Variants in HERC5 observed in about 807,000 individuals in gnomAD.
The protein encoded by HERC5 is E3 ISG15--protein ligase HERC5.
HERC5 carries 99 observed loss-of-function variants against 119.6 expected under a neutral mutation model. That is an observed-to-expected ratio of 0.83 (90% CI 0.70 to 0.98). The LOEUF is 0.98. Among genes scored for constraint, HERC5 ranks in the 50% least tolerant of loss-of-function variants. HERC5 has a pLI of 0.00. For synonymous variants in HERC5, 478 were observed against 445.9 expected (o/e 1.07, Z -0.91); for missense variants, 1,267 against 1,241.3 (o/e 1.02, Z -0.31).
intron 17 of HERC5, among the ~76,000 whole-genome samples, chr4:88,493,803 G>A (rs1284959771): frequency 2.0e-5 from 3 of 151,646 alleles, no homozygotes; most frequent in Admixed American, 6.6e-5. Flanking sequence ...TTGTAGAGAT[G>A]GGGTTTCACC....
At chr4:88,480,324 C>T (rs1331508730) in intron 13 of HERC5, among the ~76,000 whole-genome samples, 1 of 152,046 alleles carries the variant, frequency 6.6e-6, no homozygotes, top group Non-Finnish European at 1.5e-5. Flanking sequence ...CAGATTAATG[C>T]TTATGGCTGT....
chr4:88,457,588 G>A, intron 1 of HERC5, 54 bp downstream of exon 1: 1 of 1,231,522 alleles, frequency 8.1e-7, no homozygotes, highest in Non-Finnish European at 1.0e-6. Context: ...TGAGGGCTGA[G>A]GGCTGTGAGG....
intron 17 of HERC5, among the ~76,000 whole-genome samples, chr4:88,493,524 C>A (rs1741708987): frequency 6.6e-6 from 1 of 152,084 alleles, no homozygotes; most frequent in Non-Finnish European, 1.5e-5. Flanking sequence ...ATTACTGAAC[C>A]TAATGTATTT....
Position 88,462,315 on chromosome 4 carries a change from G to A in HERC5, c.647G>A (p.Gly216Glu). The A allele has an allele frequency of 6.2e-7, 1 of 1,614,180 alleles. No individual in the cohort carries two copies. Among genetic ancestry groups the A allele is most frequent in the Non-Finnish European group, 8.5e-7 (1 of 1,180,032 alleles). The change falls in exon 4 of 23, where the codon GGA (glycine) becomes GAA (glutamate). Residue 216 changes from glycine (G) to glutamate (E), a missense_variant. Around this residue, in one of 3 missense-constraint regions of HERC5, gnomAD observed 777 missense variants for 758.0 expected, o/e 1.03. Coordinates refer to ENST00000264350, the MANE Select transcript of HERC5 (RefSeq NM_016323.4). ...LSMSGNIYSW[G>E]KNECGQLGLG... The stretch of plus-strand genomic sequence containing the variant: ...ATGTCTGGCAACATTTATTCATGGG[G>A]AAAAAATGAATGTGGACAACTAGGC...
At chr4:88,497,693 G>T (rs1401831974) in intron 18 of HERC5, among the ~76,000 whole-genome samples, 2 of 152,204 alleles carry the variant, frequency 1.3e-5, no homozygotes, top group African/African-American at 4.8e-5. Flanking sequence ...TTCTCAGGCT[G>T]GCCATGTTGT....
intron 2 of HERC5, among the ~76,000 whole-genome samples, chr4:88,459,880 G>A (rs763030555): frequency 6.6e-6 from 1 of 151,924 alleles, no homozygotes; most frequent in Admixed American, 6.6e-5. Flanking sequence ...TCCTAAAATT[G>A]TTTGCATAAT....
intron 6 of HERC5, among the ~76,000 whole-genome samples, chr4:88,464,374 C>G (rs1233216331): frequency 6.6e-6 from 1 of 152,084 alleles, no homozygotes; most frequent in Non-Finnish European, 1.5e-5. Flanking sequence ...TTGTGGCCAA[C>G]ATACTTTTTA....
In HERC5 at chr4:88,470,680, T is replaced by A; in HGVS notation, c.1298+7T>A. 2.4e-6 allele frequency: 3 copies of A among 1,240,270 alleles called. No homozygotes were observed. The highest frequency in any genetic ancestry group is 3.5e-6 in the Non-Finnish European group (3 of 850,884). The allele number at this position is 1,240,270 out of a possible 1,614,324, so 76.8% of individuals were successfully genotyped here. The stretch of plus-strand genomic sequence containing the variant: ...GAAGTTTTTTAAGGAAAAGGTAATA[T>A]ATGTAATAAATTAATTGTATTAAAT... On this transcript the variant is annotated splice_region_variant and intron_variant, in intron 10 of 22. Coordinates refer to ENST00000264350, the MANE Select transcript of HERC5 (RefSeq NM_016323.4).
intron 16 of HERC5, among the ~76,000 whole-genome samples, chr4:88,489,543 G>A (rs904953282): frequency 3.3e-5 from 5 of 152,112 alleles, no homozygotes; most frequent in African/African-American, 1.2e-4. Context: ...GGAGCAGCAG[G>A]CAAAGTGGTT....
intron 20 of HERC5, among the ~76,000 whole-genome samples, chr4:88,502,990 C>A (rs1741991396): frequency 6.6e-6 from 1 of 151,738 alleles, no homozygotes; most frequent in Non-Finnish European, 1.5e-5. Flanking sequence ...TTTTGATTAA[C>A]CAAAATTTGT....
intron 11 of HERC5, among the ~76,000 whole-genome samples, chr4:88,475,595 G>A (rs1741035110): frequency 6.6e-6 from 1 of 152,090 alleles, no homozygotes; most frequent in African/African-American, 2.4e-5. Context: ...GGTTAGGTGT[G>A]CTTGATCTCC....
In HERC5 at chr4:88,495,892, A is replaced by G. The variant is rs148556308; in HGVS notation, c.2444+1561A>G. Among the ~76,000 whole-genome samples, 849 of 152,344 alleles carry G rather than the reference A, an allele frequency of 5.6e-3. 4 individuals carry two copies. The highest frequency in any genetic ancestry group is 0.01 in the Middle Eastern group (3 of 294). ...ATTAACAATGTACATGAACTAAAAG[A>G]TCTTTAAATTTGTATCATTGTTTCT... is the stretch of plus-strand genomic sequence containing the variant. On this transcript the variant is annotated intron_variant, in intron 18 of 22. Transcript: ENST00000264350.
chr4:88,504,145 T>A (rs1255682403), intron 20 of HERC5, 87 bp from the exon 21 acceptor site: 3 of 774,864 alleles, frequency 3.9e-6, no homozygotes, highest in African/African-American at 3.5e-5. Context: ...TCAATAACTG[T>A]TAGGTATTCT....
At chr4:88,469,101 G>A in intron 8 of HERC5, 56 bp from the exon 9 acceptor site, 1 of 1,140,640 alleles carries the variant, frequency 8.8e-7, no homozygotes, top group Non-Finnish European at 1.3e-6. Flanking sequence ...TAAAAGTTGG[G>A]TGCCTATCTC....
intron 17 of HERC5, 98 bp downstream of exon 17, chr4:88,493,253 A>C: frequency 1.0e-6 from 1 of 1,002,648 alleles, no homozygotes; most frequent in Non-Finnish European, 1.5e-6. Flanking sequence ...ATGTTAGAAG[A>C]GGAGTATTGA....
chr4:88,477,057 T>A (rs1741088092), intron 12 of HERC5, among the ~76,000 whole-genome samples: 1 of 141,188 alleles, frequency 7.1e-6, no homozygotes, highest in Non-Finnish European at 1.5e-5. Flanking sequence ...GTAAAAAGTA[T>A]TTATAGCTTT....
chr4:88,502,580 A>G (rs1741976979), intron 20 of HERC5, among the ~76,000 whole-genome samples: 1 of 152,176 alleles, frequency 6.6e-6, no homozygotes. Flanking sequence ...GAAAGGGGAA[A>G]AAGGAGGAGT....
At chr4:88,495,692 T>C (rs1011123578) in intron 18 of HERC5, among the ~76,000 whole-genome samples, 1 of 152,156 alleles carries the variant, frequency 6.6e-6, no homozygotes, top group African/African-American at 2.4e-5. Context: ...AACGATGATC[T>C]GAACACAGTC....
chr4:88,483,710 G>A (rs1225724208), intron 13 of HERC5, among the ~76,000 whole-genome samples: 2 of 151,528 alleles, frequency 1.3e-5, no homozygotes, highest in Non-Finnish European at 2.9e-5. Flanking sequence ...TGAGTTTTTT[G>A]TAGAGATGGG....
Sources: gnomAD v4.1 joint callset for allele counts (sites outside exome capture counted in the v4.1 genomes callset) on GRCh38, gnomAD v4.1.1 for gene constraint, gnomAD v4.1.1 regional missense constraint, MANE v1.5 for transcripts, NCBI Gene and HGNC (gene_info 2026-07-23, HGNC 2026-07-21) for gene names.